The following UBTD2 variants were observed in gnomAD, a reference collection of about 807,000 sequenced individuals.
UBTD2 encodes ubiquitin domain containing 2.
A neutral mutation model predicts 19.8 loss-of-function variants in UBTD2; 9 were observed. The ratio of observed to expected loss-of-function variants is 0.46; its 90% confidence interval spans 0.27 to 0.79. UBTD2 has a LOEUF of 0.79. Ranked by LOEUF, UBTD2 falls within the 30% of genes least tolerant of loss-of-function variation. The pLI, the probability that UBTD2 is intolerant of heterozygous loss-of-function variation, is 0.14. For missense variants in UBTD2, 250 were observed against 300.4 expected, an observed-to-expected ratio of 0.83 and a Z score of 1.24; for synonymous variants, 98 against 103.9, an observed-to-expected ratio of 0.94 and a Z score of 0.35.
chr5:172,247,488 A>C (rs1322851237), intron 1 of UBTD2, among the ~76,000 whole-genome samples: 1 of 152,142 alleles, frequency 6.6e-6, no homozygotes, highest in Non-Finnish European at 1.5e-5. Context: ...CTCCAACCTG[A>C]GCAACACTTT....
At chr5:172,218,639 G>C (rs997237850) in intron 2 of UBTD2, among the ~76,000 whole-genome samples, 5 of 151,542 alleles carry the variant, frequency 3.3e-5, no homozygotes, top group Non-Finnish European at 7.4e-5. Flanking sequence ...GCAAAAATTA[G>C]CAGGGTGTGG....
chr5:172,267,544 GTAAA>G (rs1340028709), intron 1 of UBTD2, among the ~76,000 whole-genome samples: 1 of 152,152 alleles, frequency 6.6e-6, no homozygotes, highest in African/African-American at 2.4e-5. Context: ...TCAACACGAA[GTAAA>G]TAAACAATAC....
At chr5:172,233,102 C>A (rs1771938271) in intron 2 of UBTD2, among the ~76,000 whole-genome samples, 1 of 151,960 alleles carries the variant, frequency 6.6e-6, no homozygotes, top group Non-Finnish European at 1.5e-5. Flanking sequence ...GGCGACAGAG[C>A]AAGACTCTGT....
At chr5:172,258,606 CATTT>C (rs377695801) in intron 1 of UBTD2, among the ~76,000 whole-genome samples, 119 of 152,288 alleles carry the variant, frequency 7.8e-4, no homozygotes, top group African/African-American at 2.8e-3. Context: ...TCTCCATGAG[CATTT>C]GTTTATGTCC....
chr5:172,244,385 C>T (rs1772198233), intron 1 of UBTD2, among the ~76,000 whole-genome samples: 2 of 147,620 alleles, frequency 1.4e-5, no homozygotes, highest in African/African-American at 5.0e-5. Context: ...CAACCTCTGC[C>T]TCCCAGGTGC....
intron 1 of UBTD2, among the ~76,000 whole-genome samples, chr5:172,251,260 A>C (rs192986930): frequency 6.6e-6 from 1 of 150,498 alleles, no homozygotes; most frequent in Non-Finnish European, 1.5e-5. Context: ...CCAGGCTTGC[A>C]GTGAGCCAAG....
chr5:172,254,554 T>TTTCTGTGTGTCGTC (rs1362434765), intron 1 of UBTD2: 1 of 616,304 alleles, frequency 1.6e-6, no homozygotes, highest in Non-Finnish European at 2.9e-6. Flanking sequence ...TTGTAGGGTT[T>TTTCTGTGTGTCGTC]TTCTGTGTGT....
intron 1 of UBTD2, among the ~76,000 whole-genome samples, chr5:172,263,222 T>G (rs1010386260): frequency 1.3e-5 from 2 of 152,164 alleles, no homozygotes; most frequent in Non-Finnish European, 2.9e-5. Context: ...CGAGCCACAG[T>G]ACCTGGCCTC....
At chr5:172,223,617 A>G (rs918012465) in intron 2 of UBTD2, among the ~76,000 whole-genome samples, 123 of 129,408 alleles carry the variant, frequency 9.5e-4, no homozygotes, top group African/African-American at 2.6e-3. Context: ...AAAAAAAAAA[A>G]GCACACTTAG....
At chr5:172,260,969 ATAC>A (rs1431933357) in intron 1 of UBTD2, among the ~76,000 whole-genome samples, 3 of 152,238 alleles carry the variant, frequency 2.0e-5, no homozygotes, top group Non-Finnish European at 4.4e-5. Context: ...ATGTTTAGCA[ATAC>A]AACAATGATC....
chr5:172,230,844 C>T (rs567196428), intron 2 of UBTD2, among the ~76,000 whole-genome samples: 108 of 149,734 alleles, frequency 7.2e-4, no homozygotes, highest in African/African-American at 2.6e-3. Flanking sequence ...AGTGCAGTGA[C>T]GCGATCTTGG....
intron 1 of UBTD2, among the ~76,000 whole-genome samples, chr5:172,270,079 T>G (rs562244566): frequency 7.3e-5 from 11 of 149,788 alleles, no homozygotes; most frequent in Admixed American, 7.3e-4. Flanking sequence ...TCTGTCTCAA[T>G]TTAAAAACAA....
intron 1 of UBTD2, 42 bp from the exon 2 acceptor site, chr5:172,234,400 A>G (rs1441248659): frequency 6.5e-7 from 1 of 1,527,168 alleles, no homozygotes; most frequent in Non-Finnish European, 9.0e-7. Context: ...CCCAAAATTT[A>G]TAAAATATGT....
intron 2 of UBTD2, among the ~76,000 whole-genome samples, chr5:172,214,065 G>A (rs1198537754): frequency 2.6e-5 from 4 of 152,218 alleles, no homozygotes; most frequent in East Asian, 1.9e-4. Context: ...GATCACAGGC[G>A]TGAGCCACCG....
intron 1 of UBTD2, among the ~76,000 whole-genome samples, chr5:172,275,370 C>T (rs192263175): frequency 7.3e-4 from 111 of 152,276 alleles, no homozygotes; most frequent in African/African-American, 2.5e-3. Flanking sequence ...GGTGGGAACA[C>T]AGCCAAACGG....
chr5:172,252,475 G>A (rs531520849), intron 1 of UBTD2: 23 of 152,210 alleles, frequency 1.5e-4, no homozygotes, highest in South Asian at 2.1e-4. Flanking sequence ...CAAAGAAAGC[G>A]AGGGTGGCAT....
At chr5:172,220,640 C>CAA (rs150116978) in intron 2 of UBTD2, among the ~76,000 whole-genome samples, 4 of 150,232 alleles carry the variant, frequency 2.7e-5, no homozygotes, top group African/African-American at 9.8e-5. Context: ...ACAAAAAAAC[C>CAA]AAAAAAAAAC....
At chr5:172,260,513 A>G (rs1223348322) in intron 1 of UBTD2, among the ~76,000 whole-genome samples, 1 of 151,510 alleles carries the variant, frequency 6.6e-6, no homozygotes, top group Non-Finnish European at 1.5e-5. Flanking sequence ...TTATGCAGGT[A>G]TATCATAGGT....
chr5:172,223,168 T>G (rs1771686329), intron 2 of UBTD2, among the ~76,000 whole-genome samples: 1 of 152,232 alleles, frequency 6.6e-6, no homozygotes, highest in South Asian at 2.1e-4. Context: ...GTTACAAGAT[T>G]CTTTGCTTAG....
Sources: gnomAD v4.1 joint callset for allele counts (sites outside exome capture counted in the v4.1 genomes callset) on GRCh38, gnomAD v4.1.1 for gene constraint, MANE v1.5 for transcripts, NCBI Gene and HGNC (gene_info 2026-07-23, HGNC 2026-07-21) for gene names.